The following SERP2 variants were observed in gnomAD, a reference collection of about 807,000 sequenced individuals.
SERP2 encodes the protein stress-associated endoplasmic reticulum protein 2.
A neutral mutation model predicts 9.1 loss-of-function variants in SERP2; 6 were observed. The ratio of observed to expected loss-of-function variants is 0.66; its 90% CI spans 0.36 to 1.30. The LOEUF (loss-of-function observed/expected upper bound fraction) is 1.30. Ranked by LOEUF, SERP2 falls within the 50% of genes most tolerant of loss-of-function variation. The pLI, the probability that SERP2 is intolerant of heterozygous loss-of-function variation, is 0.03. For missense variants in SERP2, 58 were observed against 81.9 expected (o/e 0.71, Z 1.13); for synonymous variants, 37 against 27.3 (o/e 1.35, Z -1.10).
chr13:44,375,160 G>C (rs1337239472), intron 1 of SERP2, among the ~76,000 whole-genome samples: 2 of 152,110 alleles, frequency 1.3e-5, no homozygotes, highest in Non-Finnish European at 2.9e-5. Context: ...CCTGGAGTTT[G>C]GCTGGGAAAG....
chr13:44,376,930 T>C (rs1050903474), intron 1 of SERP2, among the ~76,000 whole-genome samples: 8 of 152,326 alleles, frequency 5.3e-5, no homozygotes, highest in African/African-American at 1.7e-4. Flanking sequence ...TTTTGGAGCC[T>C]CAAGAAGTAG....
intron 1 of SERP2, among the ~76,000 whole-genome samples, chr13:44,377,503 T>C (rs1424086476): frequency 6.6e-6 from 1 of 152,234 alleles, no homozygotes; most frequent in Non-Finnish European, 1.5e-5. Context: ...GGCCAAAAAA[T>C]GGCACAGTTA....
intron 2 of SERP2, among the ~76,000 whole-genome samples, chr13:44,383,876 A>T (rs1409704097): frequency 6.6e-6 from 1 of 151,946 alleles, no homozygotes; most frequent in East Asian, 1.9e-4. Flanking sequence ...AATGATGCTG[A>T]CTTAAAGCTT....
At chr13:44,382,927 G>T (rs1872086036) in intron 2 of SERP2, among the ~76,000 whole-genome samples, 1 of 152,212 alleles carries the variant, frequency 6.6e-6, no homozygotes, top group African/African-American at 2.4e-5. Flanking sequence ...AGGGTGCTTG[G>T]CTGGCATGGA....
intron 2 of SERP2, among the ~76,000 whole-genome samples, chr13:44,391,499 A>G (rs1566094733): frequency 6.6e-6 from 1 of 152,224 alleles, no homozygotes; most frequent in African/African-American, 2.4e-5. Context: ...AAGATGAGTT[A>G]ATCAAGTAAT....
intron 1 of SERP2, among the ~76,000 whole-genome samples, chr13:44,376,565 A>C (rs576692239): frequency 6.6e-6 from 1 of 152,160 alleles, no homozygotes; most frequent in South Asian, 2.1e-4. Context: ...ACCTGAGGTC[A>C]GGAGTTCGAA....
chr13:44,381,185 C>T (rs181712205), intron 2 of SERP2, among the ~76,000 whole-genome samples: 6 of 144,590 alleles, frequency 4.1e-5, no homozygotes, highest in Non-Finnish European at 6.0e-5. Flanking sequence ...TGCCATGAGC[C>T]AGAGATCGCG....
chr13:44,391,463 T>C (rs754791247), intron 2 of SERP2, among the ~76,000 whole-genome samples: 17 of 152,308 alleles, frequency 1.1e-4, no homozygotes, highest in Admixed American at 2.0e-4. Context: ...GCTGTTATCC[T>C]GGAGCTTATA....
At chr13:44,380,833 C>G (rs1871928883) in intron 2 of SERP2, among the ~76,000 whole-genome samples, 1 of 152,198 alleles carries the variant, frequency 6.6e-6, no homozygotes, top group Non-Finnish European at 1.5e-5. Flanking sequence ...TATTCCATGT[C>G]TGCTGGAATT....
Position 44,374,253 on chromosome 13 carries a change from G to C in SERP2, c.84+144G>C, listed in dbSNP as rs952830069. 75 of 534,620 alleles carry C rather than the reference G, an allele frequency of 1.4e-4. 3 individuals are homozygous for C. The highest frequency in any genetic ancestry group is 5.4e-4 in the Middle Eastern group (1 of 1,844). The allele number at this position is 534,620 out of a possible 1,614,324, so 33.1% of individuals were successfully genotyped here. On this transcript the variant is annotated intron_variant, in intron 1 of 2. Transcript: ENST00000379179. ...CCCCTTCTGCGGGGTCCTGCAGAGT[G>C]GGGGCTGAGAGCTGGGTTCAGGGCG...
In SERP2 at chr13:44,393,323, T is replaced by C. The variant is rs373093539; in HGVS notation, c.158-3949T>C. The stretch of plus-strand genomic sequence containing the variant: ...GTCAGGCAGATAGCTCTGGTGTATT[T>C]GATTTTTCAGTGGGAGTGCTCCTAG... On this transcript the variant is annotated intron_variant, in intron 2 of 2. Coordinates refer to ENST00000379179, the MANE Select transcript of SERP2 (RefSeq NM_001010897.3). Among the ~76,000 whole-genome samples, 4 of 152,264 alleles carry C rather than the reference T, an allele frequency of 2.6e-5. No individual in the cohort carries two copies. The South Asian group carries it at 8.3e-4, about 32-fold the overall frequency.
chr13:44,390,227 T>C, intron 2 of SERP2: 1 of 306,416 alleles, frequency 3.3e-6, no homozygotes, highest in Non-Finnish European at 6.6e-6. Flanking sequence ...GCAGCCATCC[T>C]GGGTCTTGCT....
chr13:44,396,731 A>G (rs1264479903), intron 2 of SERP2, among the ~76,000 whole-genome samples: 1 of 152,178 alleles, frequency 6.6e-6, no homozygotes, highest in African/African-American at 2.4e-5. Context: ...CGCTCTCCAT[A>G]AGAGACAGCC....
intron 2 of SERP2, chr13:44,390,323 C>T (rs1872569627): frequency 2.6e-6 from 1 of 384,570 alleles, no homozygotes; most frequent in Non-Finnish European, 5.1e-6. Flanking sequence ...TGGACACTTG[C>T]TCCAGGACAG....
chr13:44,385,380 C>T (rs1461209363), intron 2 of SERP2, among the ~76,000 whole-genome samples: 4 of 152,220 alleles, frequency 2.6e-5, no homozygotes, highest in Admixed American at 6.5e-5. Flanking sequence ...AATGCCACCC[C>T]TCACTGCAAA....
intron 2 of SERP2, among the ~76,000 whole-genome samples, chr13:44,391,587 G>C (rs569473366): frequency 1.3e-5 from 2 of 152,136 alleles, no homozygotes; most frequent in Non-Finnish European, 2.9e-5. Flanking sequence ...AGGCACATGG[G>C]GCTATGAAAT....
intron 2 of SERP2, among the ~76,000 whole-genome samples, chr13:44,387,004 TC>T (rs1483948803): frequency 6.6e-6 from 1 of 152,222 alleles, no homozygotes; most frequent in African/African-American, 2.4e-5. Flanking sequence ...AAGCAGCTCA[TC>T]CTGGCTCTGC....
chr13:44,384,054 T>C (rs184851558), intron 2 of SERP2, among the ~76,000 whole-genome samples: 2 of 152,206 alleles, frequency 1.3e-5, no homozygotes, highest in African/African-American at 2.4e-5. Flanking sequence ...CCTTTTTTTT[T>C]TCTTGCCAAC....
chr13:44,391,955 G>C (rs1391994080), intron 2 of SERP2, among the ~76,000 whole-genome samples: 1 of 151,586 alleles, frequency 6.6e-6, no homozygotes, highest in South Asian at 2.1e-4. Flanking sequence ...CCAGCACTTT[G>C]GGAGGCCGAG....
Sources: gnomAD v4.1 joint callset for allele counts (sites outside exome capture counted in the v4.1 genomes callset) on GRCh38, gnomAD v4.1.1 for gene constraint, MANE v1.5 for transcripts, NCBI Gene and HGNC (gene_info 2026-07-23, HGNC 2026-07-21) for gene names.